The following LARP1 variants were observed in gnomAD, a reference collection of about 807,000 sequenced individuals.
LARP1 encodes the protein la-related protein 1.
In LARP1, 36 loss-of-function variants were observed where a neutral mutation model predicts 122.7. The observed-to-expected ratio is 0.29, with a 90% CI of 0.22 to 0.39. The LOEUF (loss-of-function observed/expected upper bound fraction) is 0.39, where lower values mean the gene tolerates loss of function less well. LARP1 is among the 10% of genes least tolerant of loss of function. The pLI is 1.00. For synonymous variants in LARP1, 539 were observed against 528.7 expected (o/e 1.02, Z -0.27); for missense variants, 1,040 against 1,403.6 (o/e 0.74, Z 4.14).
In LARP1 at chr5:154,802,397, A is replaced by C; in HGVS notation, c.2107A>C (p.Lys703Gln). Residue 703 changes from lysine (K) to glutamine (Q), a missense_variant and splice_region_variant, in exon 11 of 19, where the codon AAG (lysine) becomes CAG (glutamine). Transcript: ENST00000518297. The surrounding 1 kb of genome is among the most constrained non-coding windows in gnomAD (Gnocchi z 5.1). ...GTTTGAACCTGAGTATTCCCAGATC[A>C]AGGTGAGGCTTGGACATAGCAGTGA... ...EKFEPEYSQI[K>Q]QEVENFKKVN... is the part of the protein sequence containing the mutation. 1 of 1,595,614 alleles carries C rather than the reference A, an allele frequency of 6.3e-7. No homozygotes were observed. The highest frequency in any genetic ancestry group is 8.5e-7 in the Non-Finnish European group (1 of 1,170,284).
At chr5:154,711,400 A>G (rs1755215556), upstream of LARP1, among the ~76,000 whole-genome samples, 2 of 152,072 alleles carry the variant, frequency 1.3e-5, no homozygotes, top group South Asian at 2.1e-4. Context: ...TCAGCCTCCC[A>G]AAGTGTTGGG....
At chr5:154,752,003 T>A (rs1753527379), upstream of LARP1, among the ~76,000 whole-genome samples, 1 of 152,080 alleles carries the variant, frequency 6.6e-6, no homozygotes, top group South Asian at 2.1e-4. Context: ...AGAGACAGGG[T>A]CTCACTGTGT....
intron 1 of LARP1, among the ~76,000 whole-genome samples, chr5:154,756,884 G>T (rs1753975324): frequency 1.3e-5 from 2 of 151,940 alleles, no homozygotes; most frequent in Non-Finnish European, 2.9e-5. Flanking sequence ...GTGTGCTGGG[G>T]GAGCCAGTTA....
intron 1 of LARP1, chr5:154,685,946 C>CT: frequency 2.1e-6 from 1 of 475,102 alleles, no homozygotes; most frequent in Non-Finnish European, 4.0e-6. Context: ...GTTAATCCTC[C>CT]TTTGCCTGGA....
chr5:154,750,220 A>G (rs970033919), intron 1 of LARP1, among the ~76,000 whole-genome samples: 1 of 152,100 alleles, frequency 6.6e-6, no homozygotes, highest in Non-Finnish European at 1.5e-5. Context: ...ACGGGGTCTC[A>G]CTCTATTCCC....
intron 2 of LARP1, 59 bp downstream of exon 2, chr5:154,790,445 GT>G: frequency 6.6e-7 from 1 of 1,517,232 alleles, no homozygotes; most frequent in Non-Finnish European, 9.1e-7. Flanking sequence ...CCTCTTTCCT[GT>G]TTTAGTGAAT....
At chr5:154,786,825 C>G (rs1222975479) in intron 1 of LARP1, 1 of 173,398 alleles carries the variant, frequency 5.8e-6, no homozygotes, top group Non-Finnish European at 1.2e-5. Context: ...GCCTCAGTTC[C>G]CTGTCTACAA....
At chr5:154,688,271 T>C (rs1259461859) in intron 1 of LARP1, among the ~76,000 whole-genome samples, 1 of 152,106 alleles carries the variant, frequency 6.6e-6, no homozygotes, top group Non-Finnish European at 1.5e-5. Flanking sequence ...TCCCTGAATA[T>C]AGTTTATTTT....
intron 1 of LARP1, among the ~76,000 whole-genome samples, chr5:154,737,814 C>T (rs532735884): frequency 6.6e-5 from 10 of 152,276 alleles, no homozygotes; most frequent in African/African-American, 2.4e-4. Context: ...TTCCCCGCCC[C>T]TGCCCCTCCT....
chr5:154,795,996 T>TTA (rs1172698735), intron 8 of LARP1, among the ~76,000 whole-genome samples: 3 of 100,678 alleles, frequency 3.0e-5, no homozygotes, highest in East Asian at 2.4e-4. Context: ...TTATATATTT[T>TTA]TATATATATT....
chr5:154,729,513 C>A, intron 1 of LARP1: 1 of 416,522 alleles, frequency 2.4e-6, no homozygotes, highest in Non-Finnish European at 4.6e-6. Context: ...ATTAAGCATT[C>A]TAAGAGCTGA....
rs755683321 is a variant in LARP1, at chr5:154,813,969, C to G, written c.3164C>G (p.Pro1055Arg). The change falls in exon 19 of 19, where the codon CCC (proline) becomes CGC (arginine). Residue 1055 changes from proline to arginine, a missense_variant. Transcript: ENST00000518297. The part of the protein sequence containing the change: ...GGGGEGRKRC[P>R]SQSSSRPAAM... Reference sequence around the variant, plus strand: ...GGCGGTGAGGGCAGGAAGCGGTGCCCCTCCCAGTCTTCCAGCAGGCCTGCT... The same window carrying G: ...GGCGGTGAGGGCAGGAAGCGGTGCCGCTCCCAGTCTTCCAGCAGGCCTGCT... 6.2e-7 allele frequency: 1 copy of G among 1,614,036 alleles called. No individual in the cohort carries two copies. Among genetic ancestry groups the G allele is most frequent in the Non-Finnish European group, 8.5e-7 (1 of 1,179,968 alleles).
intron 2 of LARP1, 60 bp from the exon 3 acceptor site, chr5:154,790,585 G>A (rs1332333829): frequency 1.9e-6 from 3 of 1,576,826 alleles, no homozygotes; most frequent in Admixed American, 3.3e-5. Flanking sequence ...GCTTGGGTCG[G>A]GGGCTGAATA....
chr5:154,764,595 CAAAAAA>C (rs1158921641), intron 1 of LARP1, among the ~76,000 whole-genome samples: 15 of 44,890 alleles, frequency 3.3e-4, no homozygotes, highest in African/African-American at 1.4e-3. Flanking sequence ...GACCATGTCT[CAAAAAA>C]AAAAAAAAAA....
intron 1 of LARP1, among the ~76,000 whole-genome samples, chr5:154,764,624 G>GAA (rs1754770507): frequency 1.4e-5 from 2 of 141,688 alleles, no homozygotes; most frequent in Admixed American, 7.2e-5. Flanking sequence ...AAAAAAACTG[G>GAA]CTGGGCGTAG....
chr5:154,790,522 A>G, intron 2 of LARP1, 123 bp from the exon 3 acceptor site: 2 of 1,280,292 alleles, frequency 1.6e-6, no homozygotes, highest in Non-Finnish European at 2.3e-6. Context: ...CTAGGTATCC[A>G]GTGTGAATGG....
chr5:154,692,715 C>G (rs1454992816), intron 1 of LARP1, among the ~76,000 whole-genome samples: 1 of 152,180 alleles, frequency 6.6e-6, no homozygotes, highest in Non-Finnish European at 1.5e-5. Context: ...TGGTGGACAG[C>G]TGGCCTTAAG....
chr5:154,729,607 C>T, intron 1 of LARP1: 1 of 419,072 alleles, frequency 2.4e-6, no homozygotes, highest in Non-Finnish European at 4.7e-6. Context: ...AGATGAAGCA[C>T]CAGCCACTCC....
chr5:154,694,835 GTTTA>G (rs1327208709), intron 1 of LARP1, among the ~76,000 whole-genome samples: 1 of 151,696 alleles, frequency 6.6e-6, no homozygotes, highest in African/African-American at 2.4e-5. Context: ...TAGGTATTTG[GTTTA>G]TTGTTTTTTT....
Sources: gnomAD v4.1 joint callset for allele counts (sites outside exome capture counted in the v4.1 genomes callset) on GRCh38, gnomAD v4.1.1 for gene constraint, Gnocchi (gnomAD v3.1) non-coding constraint, MANE v1.5 for transcripts, NCBI Gene and HGNC (gene_info 2026-07-23, HGNC 2026-07-21) for gene names.